Variants in CREB5 observed in about 807,000 individuals in gnomAD.
The protein encoded by CREB5 is cyclic AMP-responsive element-binding protein 5.
In CREB5, 19 loss-of-function variants were observed where a neutral mutation model predicts 57.1. The ratio of observed to expected loss-of-function variants is 0.33; its 90% confidence interval spans 0.23 to 0.49. CREB5 has a LOEUF of 0.49. CREB5 is among the 20% of genes least tolerant of loss of function. The pLI, the probability that CREB5 is intolerant of heterozygous loss-of-function variation, is 0.99. For synonymous variants in CREB5, 238 were observed against 238.3 expected (o/e 1.00, Z 0.01); for missense variants, 579 against 671.6 (o/e 0.86, Z 1.52).
chr7:28,430,509 G>A (rs1788670837), intron 1 of CREB5, among the ~76,000 whole-genome samples: 1 of 152,186 alleles, frequency 6.6e-6, no homozygotes, highest in Non-Finnish European at 1.5e-5. Flanking sequence ...ATTTTAAAAT[G>A]CTATGCAAAT....
At chr7:28,623,885 G>C (rs1172933642) in intron 5 of CREB5, among the ~76,000 whole-genome samples, 1 of 152,116 alleles carries the variant, frequency 6.6e-6, no homozygotes, top group Non-Finnish European at 1.5e-5. Flanking sequence ...TCATAAAGAT[G>C]GGGGGAGATT....
intron 1 of CREB5, among the ~76,000 whole-genome samples, chr7:28,327,261 T>G (rs1202946527): frequency 6.6e-6 from 1 of 152,286 alleles, no homozygotes; most frequent in East Asian, 1.9e-4. Flanking sequence ...CTCTGGTATG[T>G]TATGCATTAG....
At chr7:28,671,967 AC>A (rs1349580191) in intron 5 of CREB5, among the ~76,000 whole-genome samples, 1 of 152,032 alleles carries the variant, frequency 6.6e-6, no homozygotes, top group East Asian at 1.9e-4. Context: ...AATCTTTTTT[AC>A]CTTCAAAGTT....
At chr7:28,560,839 T>TGTGCGTGTGCGTGCGCGTGCGTGC in intron 4 of CREB5, among the ~76,000 whole-genome samples, 1 of 96,460 alleles carries the variant, frequency 1.0e-5, no homozygotes, top group African/African-American at 4.2e-5. Context: ...CGCGCGTGTG[T>TGTGCGTGTGCGTGCGCGTGCGTGC]GTGTGCGCGT....
At chr7:28,732,219 G>A (rs1020204582) in intron 7 of CREB5, among the ~76,000 whole-genome samples, 1 of 151,980 alleles carries the variant, frequency 6.6e-6, no homozygotes, top group Non-Finnish European at 1.5e-5. Flanking sequence ...TTGTCTTCTC[G>A]GTTTTATTTC....
chr7:28,635,769 A>G (rs1316846298), intron 5 of CREB5, among the ~76,000 whole-genome samples: 3 of 152,064 alleles, frequency 2.0e-5, no homozygotes, highest in Non-Finnish European at 4.4e-5. Flanking sequence ...TTACTCATTC[A>G]TTCATTCATT....
intron 7 of CREB5, among the ~76,000 whole-genome samples, chr7:28,735,113 T>TTG (rs1554293250): frequency 0.13 from 20,174 of 152,012 alleles, 1,462 homozygotes; most frequent in Non-Finnish European, 0.16. Context: ...TTTTGGTTTT[T>TTG]TTTGTTTTTT....
chr7:28,569,895 G>A (rs893845302), intron 4 of CREB5, among the ~76,000 whole-genome samples: 3 of 146,580 alleles, frequency 2.0e-5, no homozygotes, highest in Non-Finnish European at 4.6e-5. Context: ...AAAGGTAGTC[G>A]TTTTCTTAAA....
At chr7:28,582,196 T>G (rs1296042097) in intron 5 of CREB5, among the ~76,000 whole-genome samples, 2 of 152,238 alleles carry the variant, frequency 1.3e-5, no homozygotes, top group African/African-American at 4.8e-5. Flanking sequence ...CTCAGTAGTA[T>G]TAAAGCCTGT....
Position 28,412,739 on chromosome 7 carries a change from C to T in CREB5, c.-176C>T. The stretch of plus-strand genomic sequence containing the variant: ...GTAATTGTAAAATACCAGACCTGTT[C>T]TTTTTACTAAAAGCTAGTTTCACTA... On this transcript the variant is annotated 5_prime_UTR_variant, in exon 1 of 11. Transcript: ENST00000357727. 1 of 470,038 alleles carries T rather than the reference C, an allele frequency of 2.1e-6. No individual in the cohort carries two copies. The allele number at this position is 470,038 out of a possible 1,614,324, so 29.1% of individuals were successfully genotyped here. A position where few individuals can be genotyped will look rare whatever the true frequency, so the allele number is the denominator to read the frequency against.
At chr7:28,467,560 GA>G (rs1790642376) in intron 1 of CREB5, among the ~76,000 whole-genome samples, 1 of 152,110 alleles carries the variant, frequency 6.6e-6, no homozygotes, top group Non-Finnish European at 1.5e-5. Context: ...GAGGATTTTT[GA>G]AAATGGGTTG....
At chr7:28,716,113 A>G (rs1025656707) in intron 5 of CREB5, among the ~76,000 whole-genome samples, 2 of 152,160 alleles carry the variant, frequency 1.3e-5, no homozygotes, top group African/African-American at 4.8e-5. Flanking sequence ...GTAACCATTA[A>G]GTTGTTTAAT....
rs147431617 is a variant in CREB5 at position 28,561,808 on chromosome 7, A to G, written c.292-8557A>G. ...GCCCAGGCTGGAGTGCAGTGGTGCA[A>G]TCTCAGCTCATTGCAACTTCTGCCT... On this transcript the variant is annotated intron_variant, in intron 4 of 10. Coordinates refer to ENST00000357727, the MANE Select transcript of CREB5 (RefSeq NM_182898.4). 4.5e-3 allele frequency among the ~76,000 whole-genome samples: 689 copies of G among 152,252 alleles called. 55 individuals carry two copies. In the East Asian group the frequency reaches 0.12, roughly 27 times the overall value.
chr7:28,804,528 C>A lies in CREB5; in HGVS notation c.1026+6C>A, dbSNP rs184869259. Reference sequence around the variant, plus strand: ...ACACCGGCAACCAAGCACAGGTAGACCTTTTCCGTGATCTCTTTCCCCTTC... The same window carrying A: ...ACACCGGCAACCAAGCACAGGTAGAACTTTTCCGTGATCTCTTTCCCCTTC... On this transcript the variant is annotated splice_donor_region_variant and intron_variant, in intron 8 of 10. Transcript: ENST00000357727. The A allele has an allele frequency of 1.5e-4, 249 of 1,611,946 alleles. 2 individuals carry two copies. In the Middle Eastern group the frequency reaches 1.7e-3, roughly 11 times the overall value.
At chr7:28,507,199 C>G (rs1792514207) in intron 3 of CREB5, among the ~76,000 whole-genome samples, 1 of 151,976 alleles carries the variant, frequency 6.6e-6, no homozygotes, top group Non-Finnish European at 1.5e-5. Context: ...TTTCCAGCCC[C>G]CTGAAGTCAG....
At chr7:28,424,318 C>G (rs1354657260) in intron 1 of CREB5, among the ~76,000 whole-genome samples, 1 of 152,174 alleles carries the variant, frequency 6.6e-6, no homozygotes, top group Non-Finnish European at 1.5e-5. Flanking sequence ...GTGTGTCCAG[C>G]AAGAAGGCAG....
At chr7:28,755,438 A>G (rs1805246615) in intron 7 of CREB5, among the ~76,000 whole-genome samples, 1 of 152,168 alleles carries the variant, frequency 6.6e-6, no homozygotes. Context: ...AATTCCTATG[A>G]GAGAAGGGAG....
intron 7 of CREB5, among the ~76,000 whole-genome samples, chr7:28,790,406 A>C (rs1009406225): frequency 3.3e-5 from 5 of 150,404 alleles, no homozygotes; most frequent in African/African-American, 1.2e-4. Context: ...CAAAGGATAC[A>C]TTTTAGCAGA....
At chr7:28,462,369 T>C (rs534404590) in intron 1 of CREB5, among the ~76,000 whole-genome samples, 1 of 152,224 alleles carries the variant, frequency 6.6e-6, no homozygotes, top group Non-Finnish European at 1.5e-5. Flanking sequence ...AATGCTGCCA[T>C]GAACATCGAT....
Sources: gnomAD v4.1 joint callset for allele counts (sites outside exome capture counted in the v4.1 genomes callset) on GRCh38, gnomAD v4.1.1 for gene constraint, MANE v1.5 for transcripts, NCBI Gene and HGNC (gene_info 2026-07-23, HGNC 2026-07-21) for gene names.